Variants in C2 observed in about 807,000 individuals in gnomAD.
The protein encoded by C2 is C3/C5 convertase.
In C2, 64 loss-of-function variants were observed where a neutral mutation model predicts 85.2. The ratio of observed to expected loss-of-function variants is 0.75; its 90% CI spans 0.61 to 0.92. C2 has a LOEUF of 0.92. C2 is among the 40% of genes least tolerant of loss of function. The probability of loss-of-function intolerance (pLI) is 0.00; values close to 1 mark genes in which losing one functional copy is unlikely to be tolerated. For missense variants in C2, 820 were observed against 971.6 expected, an observed-to-expected ratio of 0.84 and a Z score of 2.07; for synonymous variants, 311 against 370.8, an observed-to-expected ratio of 0.84 and a Z score of 1.85.
chr6:31,934,255 G>A lies in C2; in HGVS notation c.805G>A (p.Asp269Asn), dbSNP rs753277043. 1 of 1,614,156 alleles carries A rather than the reference G, an allele frequency of 6.2e-7. No homozygotes were observed. The highest frequency in any genetic ancestry group is 1.1e-5 in the South Asian group (1 of 91,086). The change falls in exon 6 of 18, where the codon GAC becomes AAC. Residue 269 changes from aspartate (D) to asparagine (N), a missense_variant. Coordinates refer to ENST00000299367, the MANE Select transcript of C2 (RefSeq NM_000063.6). ...LDCSQSVSEN[D>N]FLIFKESASL... The stretch of plus-strand genomic sequence containing the variant: ...CTGTTCGCAGAGTGTGTCGGAAAAT[G>A]ACTTTCTCATCTTCAAGGAGAGCGC...
upstream of C2, among the ~76,000 whole-genome samples, chr6:31,926,479 C>T (rs1303694894): frequency 6.6e-6 from 1 of 151,258 alleles, no homozygotes; most frequent in East Asian, 1.9e-4. Context: ...ATTACAGGCC[C>T]CTGCCACCAC....
In C2 at chr6:31,904,188, G is replaced by T. The variant is rs1192552032; in HGVS notation, c.73+3049G>T. ...TCTTGAAGGCCCTGATCTCTCACAG[G>T]GCTAATGTGAGGTTTAAATGAGCCT... is the stretch of plus-strand genomic sequence containing the variant. On this transcript the variant is annotated intron_variant, in intron 1 of 3. Transcript: ENST00000452202. The surrounding 1 kb of genome is among the most constrained non-coding windows in gnomAD (Gnocchi z 4.4). 6.6e-6 allele frequency among the ~76,000 whole-genome samples: 1 copy of T among 151,930 alleles called. No homozygotes were observed. Among genetic ancestry groups the T allele is most frequent in the African/African-American group, 2.4e-5 (1 of 41,302 alleles).
At chr6:31,929,571 T>C (rs1249270499) in intron 3 of C2, among the ~76,000 whole-genome samples, 2 of 150,850 alleles carry the variant, frequency 1.3e-5, no homozygotes, top group African/African-American at 2.4e-5. Flanking sequence ...ATACAAAAAT[T>C]AGCCGGGTGC....
At chr6:31,924,691 C>A (rs975435892), upstream of C2, among the ~76,000 whole-genome samples, 1 of 152,142 alleles carries the variant, frequency 6.6e-6, no homozygotes, top group African/African-American at 2.4e-5. Context: ...AGTTTGATGG[C>A]TTTAAAAGGC....
chr6:31,900,469 C>T, upstream of C2: 1 of 1,598,206 alleles, frequency 6.3e-7, no homozygotes, highest in Non-Finnish European at 8.5e-7. The surrounding 1 kb of genome is among the most constrained non-coding windows in gnomAD (Gnocchi z 9.7). Flanking sequence ...CGGGAATCAA[C>T]AGCAGGCCCT....
intron 1 of C2, among the ~76,000 whole-genome samples, chr6:31,905,882 C>T (rs1201840699): frequency 6.6e-6 from 1 of 152,054 alleles, no homozygotes; most frequent in African/African-American, 2.4e-5. Context: ...GAGCACTACC[C>T]TTGGCTACTC....
upstream of C2, among the ~76,000 whole-genome samples, chr6:31,916,303 A>C (rs1768496684): frequency 1.3e-5 from 2 of 152,176 alleles, no homozygotes; most frequent in East Asian, 3.9e-4. Flanking sequence ...TCACGCCTGT[A>C]ATCCCAGCAC....
chr6:31,927,374 A>T, upstream of C2: 1 of 543,764 alleles, frequency 1.8e-6, no homozygotes, highest in Non-Finnish European at 2.8e-6. The surrounding 1 kb of genome is among the most constrained non-coding windows in gnomAD (Gnocchi z 4.7). Context: ...GACTATTCAC[A>T]CAAGAGCAAG....
At chr6:31,899,226 GTTCTTTC>G (rs1281701308), upstream of C2, among the ~76,000 whole-genome samples, 1 of 150,478 alleles carries the variant, frequency 6.6e-6, no homozygotes, top group Non-Finnish European at 1.5e-5. Context: ...CCCTTCTTGT[GTTCTTTC>G]TTTTCTAAGT....
rs770933665 is a variant in C2, at chr6:31,935,993, C to G, written c.920C>G (p.Ser307Cys). The G allele has an allele frequency of 2.2e-5, 35 of 1,612,966 alleles. No individual in the cohort carries two copies. Among genetic ancestry groups the G allele is most frequent in the Non-Finnish European group, 2.7e-5 (32 of 1,180,034 alleles). ...TFASEPKVLM[S>C]VLNDNSRDMT... ...GCCTCAGAGCCCAAAGTCCTCATGTCTGTCCTGAACGACAACTCCCGGGAT... is the reference window on the plus strand; with the variant it reads ...GCCTCAGAGCCCAAAGTCCTCATGTGTGTCCTGAACGACAACTCCCGGGAT... The change falls in exon 7 of 18, where the codon TCT becomes TGT. Residue 307 changes from serine to cysteine, a missense_variant. Coordinates refer to ENST00000299367, the MANE Select transcript of C2 (RefSeq NM_000063.6). The surrounding 1 kb of genome is among the most constrained non-coding windows in gnomAD (Gnocchi z 4.3).
rs1769470041 is a variant in C2, at chr6:31,928,724, C to G, written c.257-8C>G. On this transcript the variant is annotated splice_polypyrimidine_tract_variant and splice_region_variant and intron_variant, in intron 2 of 17. Coordinates refer to ENST00000299367, the MANE Select transcript of C2 (RefSeq NM_000063.6). ...CCTATATTCCCCACCCACTTCCTCT[C>G]TCTCCAGCTGTGCGCTGTCCAGCCC... is the stretch of plus-strand genomic sequence containing the variant. The G allele has an allele frequency of 6.2e-7, 1 of 1,614,092 alleles. No individual in the cohort carries two copies. The highest frequency in any genetic ancestry group is 8.5e-7 in the Non-Finnish European group (1 of 1,180,014).
Position 31,943,201 on chromosome 6 carries a change from C to A in C2, c.1361-24C>A. 1 of 1,612,368 alleles carries A rather than the reference C, an allele frequency of 6.2e-7. No homozygotes were observed. The highest frequency in any genetic ancestry group is 8.5e-7 in the Non-Finnish European group (1 of 1,179,414). On this transcript the variant is annotated intron_variant, in intron 10 of 17. Coordinates refer to ENST00000299367, the MANE Select transcript of C2 (RefSeq NM_000063.6). The surrounding 1 kb of genome is among the most constrained non-coding windows in gnomAD (Gnocchi z 6.4). The stretch of plus-strand genomic sequence containing the variant: ...ACAGTGCCCCTCACTTGCCTCCTTC[C>A]CCATCTGATCCTCACACCCACAGAT...
At position 31,935,498 on chromosome 6, in the gene C2, G is replaced by C. The variant is rs1366615171; in HGVS notation, c.850-425G>C. The C allele has an allele frequency of 1.9e-5, 3 of 159,816 alleles. No individual in the cohort carries two copies. The highest frequency in any genetic ancestry group is 2.8e-5 in the Non-Finnish European group (2 of 72,018). 9.9% of individuals were successfully genotyped at this position (159,816 alleles called of 1,614,324 possible). ...TATTATTATTATTATTTTTGAGATA[G>C]AGTCTCTGTCACCCAGGCTGGAGTA... On this transcript the variant is annotated intron_variant, in intron 6 of 17. Transcript: ENST00000299367. The surrounding 1 kb of genome is among the most constrained non-coding windows in gnomAD (Gnocchi z 4.3).
rs1449481399 is a variant in C2, at chr6:31,934,359, T to C, written c.849+60T>C. 5 of 1,610,712 alleles carry C rather than the reference T, an allele frequency of 3.1e-6. No individual in the cohort carries two copies. In the South Asian group the frequency reaches 5.5e-5, roughly 18 times the overall value. ...TTCCTGTGCTCACTATCTCTCTCTG[T>C]CTCCTTCCCCTCCTCAGAACCCCAC... On this transcript the variant is annotated intron_variant, in intron 6 of 17. Transcript: ENST00000299367.
In C2 at chr6:31,943,858, G is replaced by A; in HGVS notation, c.1733+49G>A. 1 of 1,611,686 alleles carries A rather than the reference G, an allele frequency of 6.2e-7. No individual in the cohort carries two copies. The highest frequency in any genetic ancestry group is 8.5e-7 in the Non-Finnish European group (1 of 1,178,940). On this transcript the variant is annotated intron_variant, in intron 13 of 17. Coordinates refer to ENST00000299367, the MANE Select transcript of C2 (RefSeq NM_000063.6). The surrounding 1 kb of genome is among the most constrained non-coding windows in gnomAD (Gnocchi z 6.4). ...GGTGCCCTGCAGGGAAGAGTGCTCT[G>A]GAGATCCCTGGAAGAGATACTGGGG...
upstream of C2, among the ~76,000 whole-genome samples, chr6:31,918,964 C>T (rs1048327789): frequency 3.3e-5 from 5 of 151,306 alleles, no homozygotes; most frequent in African/African-American, 9.7e-5. Flanking sequence ...GTCTATGAAC[C>T]GAGACCGTCT....
intron 1 of C2, among the ~76,000 whole-genome samples, chr6:31,912,455 CT>C (rs985423670): frequency 6.6e-6 from 1 of 152,192 alleles, no homozygotes; most frequent in African/African-American, 2.4e-5. Context: ...ACCCTCACTC[CT>C]TTCCTGTCTT....
Position 31,933,801 on chromosome 6 carries a change from C to A in C2, c.616+18C>A. 6.2e-7 allele frequency: 1 copy of A among 1,613,794 alleles called. No homozygotes were observed. The highest frequency in any genetic ancestry group is 1.1e-5 in the South Asian group (1 of 91,086). On this transcript the variant is annotated intron_variant, in intron 4 of 17. Transcript: ENST00000299367. The stretch of plus-strand genomic sequence containing the variant: ...CTGCCGCCGTGAGTAGCTGCCCTGC[C>A]CTCCTGAGATTCCTCGGCACACCCG...
chr6:31,938,500 T>TATATATA (rs1770621230), intron 8 of C2, among the ~76,000 whole-genome samples: 1 of 132,460 alleles, frequency 7.5e-6, no homozygotes, highest in African/African-American at 3.0e-5. Flanking sequence ...ATATATATAT[T>TATATATA]TATTTTTTTG....
Sources: allele counts gnomAD v4.1 joint callset (sites outside exome capture counted in the v4.1 genomes callset), GRCh38; gene constraint gnomAD v4.1.1; non-coding constraint Gnocchi (gnomAD v3.1); transcripts MANE v1.5; gene names NCBI Gene and HGNC (gene_info 2026-07-23, HGNC 2026-07-21).